PKNOX2: variants seen among roughly 807,000 people sequenced by gnomAD.
PKNOX2 encodes the protein homeobox protein PKNOX2.
A neutral mutation model predicts 53.1 loss-of-function variants in PKNOX2; 14 were observed. The observed-to-expected ratio is 0.26, with a 90% CI of 0.17 to 0.41. The LOEUF is 0.41. PKNOX2 is among the 10% of genes least tolerant of loss of function. The pLI is 1.00. For missense variants in PKNOX2, 496 were observed against 602.8 expected (o/e 0.82, Z 1.85); for synonymous variants, 257 against 242.8 (o/e 1.06, Z -0.54).
At chr11:125,285,819 C>G (rs904409390) in intron 2 of PKNOX2, among the ~76,000 whole-genome samples, 1 of 152,200 alleles carries the variant, frequency 6.6e-6, no homozygotes, top group African/African-American at 2.4e-5. Flanking sequence ...ATAAATACTC[C>G]AAGCTCACGG....
chr11:125,402,952 A>G (rs1304416347), intron 7 of PKNOX2, among the ~76,000 whole-genome samples: 3 of 152,222 alleles, frequency 2.0e-5, no homozygotes, highest in African/African-American at 7.2e-5. Flanking sequence ...TTACAGATTC[A>G]TTGGCCTTGG....
At chr11:125,195,136 A>G (rs2135370926) in intron 1 of PKNOX2, among the ~76,000 whole-genome samples, 1 of 152,280 alleles carries the variant, frequency 6.6e-6, no homozygotes. Flanking sequence ...CACAAGAAAC[A>G]TGGCTTCTTC....
At chr11:125,217,487 G>A (rs1390882506) in intron 1 of PKNOX2, among the ~76,000 whole-genome samples, 2 of 152,212 alleles carry the variant, frequency 1.3e-5, no homozygotes, top group Non-Finnish European at 2.9e-5. Context: ...CTCACTGCAA[G>A]GCCAGCTACA....
In PKNOX2 at chr11:125,432,652, C is replaced by T. The variant is rs1415419513; in HGVS notation, c.*1260C>T. On this transcript the variant is annotated 3_prime_UTR_variant, in exon 13 of 13. Transcript: ENST00000298282. ...GCTCCTGGAAGGAGGAGGAGGCTCT[C>T]CACTGTCCACCCTAACACATACCCT... The T allele has an allele frequency of 3.3e-5, 5 of 152,980 alleles. No homozygotes were observed. The highest frequency in any genetic ancestry group is 9.6e-5 in the African/African-American group (4 of 41,602). 9.5% of individuals were successfully genotyped at this position (152,980 alleles called of 1,614,324 possible). A position where few individuals can be genotyped will look rare whatever the true frequency, so the allele number is the denominator to read the frequency against.
At chr11:125,222,709 C>CA (rs372196538) in intron 1 of PKNOX2, among the ~76,000 whole-genome samples, 3 of 126,884 alleles carry the variant, frequency 2.4e-5, no homozygotes, top group Admixed American at 8.1e-5. Context: ...TGTGTGTGTG[C>CA]TGTGTATGTG....
At chr11:125,314,873 C>T (rs1212764479) in intron 2 of PKNOX2, among the ~76,000 whole-genome samples, 2 of 152,196 alleles carry the variant, frequency 1.3e-5, no homozygotes, top group Admixed American at 6.5e-5. Flanking sequence ...GAAAAGGAGA[C>T]TATTCCTTTC....
chr11:125,429,779 C>T (rs549355142), intron 11 of PKNOX2, among the ~76,000 whole-genome samples, 184 bp from the exon 12 acceptor site: 1 of 152,256 alleles, frequency 6.6e-6, no homozygotes, highest in Non-Finnish European at 1.5e-5. Context: ...AGTTACCAAG[C>T]CCCAGGAAAT....
At chr11:125,340,434 C>T (rs953461944) in intron 3 of PKNOX2, among the ~76,000 whole-genome samples, 6 of 152,186 alleles carry the variant, frequency 3.9e-5, no homozygotes, top group African/African-American at 1.4e-4. Context: ...TCCAGTTAAA[C>T]CTGCAGACTC....
intron 2 of PKNOX2, among the ~76,000 whole-genome samples, chr11:125,277,971 C>A (rs1185585466): frequency 5.9e-5 from 9 of 151,984 alleles, no homozygotes; most frequent in Admixed American, 4.6e-4. Context: ...AATCACAACA[C>A]TTTGGGAGGC....
intron 5 of PKNOX2, 132 bp from the exon 6 acceptor site, chr11:125,385,419 G>T: frequency 2.0e-6 from 2 of 1,006,892 alleles, no homozygotes; most frequent in South Asian, 1.8e-5. Context: ...ATAGGGACTG[G>T]GGATGTTATC....
chr11:125,209,678 G>A (rs1233041297), intron 1 of PKNOX2, among the ~76,000 whole-genome samples: 1 of 152,052 alleles, frequency 6.6e-6, no homozygotes, highest in Non-Finnish European at 1.5e-5. Flanking sequence ...GGGCAGGCTG[G>A]AGGGGGAGGA....
chr11:125,195,601 G>T (rs1957129401), intron 1 of PKNOX2, among the ~76,000 whole-genome samples: 2 of 151,580 alleles, frequency 1.3e-5, no homozygotes, highest in African/African-American at 4.9e-5. Context: ...TTGGAAATCT[G>T]GTTCAGGGGG....
At chr11:125,317,185 C>T (rs967004218) in intron 2 of PKNOX2, among the ~76,000 whole-genome samples, 1 of 152,222 alleles carries the variant, frequency 6.6e-6, no homozygotes, top group African/African-American at 2.4e-5. Flanking sequence ...TTCTAGTTCT[C>T]TTGCTATTTC....
chr11:125,301,478 G>T (rs11220015), intron 2 of PKNOX2, among the ~76,000 whole-genome samples: 1 of 151,412 alleles, frequency 6.6e-6, no homozygotes, highest in Non-Finnish European at 1.5e-5. Context: ...ATATTTTTCC[G>T]TGGTGCAGAC....
intron 1 of PKNOX2, among the ~76,000 whole-genome samples, chr11:125,218,051 T>C (rs1343176663): frequency 3.3e-5 from 5 of 152,164 alleles, no homozygotes; most frequent in African/African-American, 9.7e-5. Flanking sequence ...CTTCTCCTCT[T>C]AGAGCAGGCA....
chr11:125,274,068 A>G (rs1359859201), intron 2 of PKNOX2, among the ~76,000 whole-genome samples: 1 of 152,206 alleles, frequency 6.6e-6, no homozygotes, highest in Non-Finnish European at 1.5e-5. Context: ...GGAGGACCTC[A>G]TATTTATTAC....
In PKNOX2 at chr11:125,219,437, T is replaced by C. The variant is rs559774841; in HGVS notation, c.-200-15608T>C. ...TGGGCAACAAGAGTGAAACTCTATC[T>C]CAAAAAAAAAAAAAAATTATAAACA... On this transcript the variant is annotated intron_variant, in intron 1 of 12. Coordinates refer to ENST00000298282, the MANE Select transcript of PKNOX2 (RefSeq NM_001382323.2). 4.3e-5 allele frequency among the ~76,000 whole-genome samples: 6 copies of C among 140,418 alleles called. No individual in the cohort carries two copies. In the East Asian group the frequency reaches 1.2e-3, roughly 28 times the overall value. 92.1% of individuals were successfully genotyped at this position (140,418 alleles called of 152,430 possible).
At chr11:125,274,307 G>A (rs897649906) in intron 2 of PKNOX2, among the ~76,000 whole-genome samples, 5 of 152,106 alleles carry the variant, frequency 3.3e-5, no homozygotes, top group Admixed American at 1.3e-4. Flanking sequence ...GAACCTTATG[G>A]TCTCGGGAAA....
At position 125,229,138 on chromosome 11, in the gene PKNOX2, A is replaced by C. The variant is rs148907109; in HGVS notation, c.-200-5907A>C. 3.5e-3 allele frequency among the ~76,000 whole-genome samples: 536 copies of C among 152,240 alleles called. 6 individuals carry two copies. The highest frequency in any genetic ancestry group is 0.012 in the African/African-American group (498 of 41,532). ...CATTTCCTGGCCCTCCTCCTCCAGC[A>C]TGCAGCTGAGTACGGCACAGCTGAG... On this transcript the variant is annotated intron_variant, in intron 1 of 12. Coordinates refer to ENST00000298282, the MANE Select transcript of PKNOX2 (RefSeq NM_001382323.2).
Sources: gnomAD v4.1 joint callset for allele counts (sites outside exome capture counted in the v4.1 genomes callset) on GRCh38, gnomAD v4.1.1 for gene constraint, MANE v1.5 for transcripts, NCBI Gene and HGNC (gene_info 2026-07-23, HGNC 2026-07-21) for gene names.